Variants in CSMD1 observed in about 807,000 individuals in gnomAD.
The protein encoded by CSMD1 is CUB and sushi domain-containing protein 1.
A neutral mutation model predicts 417.5 loss-of-function variants in CSMD1; 213 were observed. The ratio of observed to expected loss-of-function variants is 0.51; its 90% CI spans 0.46 to 0.57. The LOEUF is 0.57. Among genes scored for constraint, CSMD1 ranks in the 20% least tolerant of loss-of-function variants. CSMD1 has a pLI of 0.00. For synonymous variants in CSMD1, 2,862 were observed against 1,736.8 expected (o/e 1.65, Z -16.11); for missense variants, 6,923 against 4,529.7 (o/e 1.53, Z -15.17).
At chr8:4,364,474 A>G (rs978251706) in intron 3 of CSMD1, among the ~76,000 whole-genome samples, 9 of 152,302 alleles carry the variant, frequency 5.9e-5, no homozygotes, top group African/African-American at 2.2e-4. Context: ...TTAGTAATAC[A>G]ATTTCCTCTC....
intron 26 of CSMD1, among the ~76,000 whole-genome samples, chr8:3,245,286 C>T (rs909824575): frequency 6.6e-6 from 1 of 152,182 alleles, no homozygotes; most frequent in Non-Finnish European, 1.5e-5. Flanking sequence ...TGAGAAGCAC[C>T]TCCAGTTCCT....
intron 1 of CSMD1, among the ~76,000 whole-genome samples, chr8:4,689,961 T>C (rs539010116): frequency 1.1e-4 from 17 of 152,272 alleles, no homozygotes; most frequent in African/African-American, 3.4e-4. Flanking sequence ...AAGTGGGCTG[T>C]ATTACTGCCG....
At chr8:4,119,804 G>C (rs1052264015) in intron 3 of CSMD1, among the ~76,000 whole-genome samples, 1 of 152,166 alleles carries the variant, frequency 6.6e-6, no homozygotes, top group African/African-American at 2.4e-5. Context: ...AACGTTCTAC[G>C]ATGCAATTTA....
At chr8:4,501,768 G>A (rs1305821773) in intron 2 of CSMD1, among the ~76,000 whole-genome samples, 1 of 152,086 alleles carries the variant, frequency 6.6e-6, no homozygotes, top group Non-Finnish European at 1.5e-5. Flanking sequence ...CAGCATTTGT[G>A]TTCAAGTTGT....
chr8:4,433,808 A>G (rs1798001382), intron 2 of CSMD1, among the ~76,000 whole-genome samples: 1 of 151,750 alleles, frequency 6.6e-6, no homozygotes, highest in Non-Finnish European at 1.5e-5. Context: ...TGTCCTTTGC[A>G]AGATACTTTT....
At chr8:3,728,702 C>T (rs1217969166) in intron 6 of CSMD1, among the ~76,000 whole-genome samples, 1 of 151,898 alleles carries the variant, frequency 6.6e-6, no homozygotes. Context: ...TGTAATCTTG[C>T]AAATGATGCA....
intron 3 of CSMD1, among the ~76,000 whole-genome samples, chr8:4,414,144 C>G (rs1033244893): frequency 7.2e-5 from 11 of 152,136 alleles, no homozygotes; most frequent in African/African-American, 1.7e-4. Flanking sequence ...TGCTGACATT[C>G]TAAATAAAGC....
At chr8:4,310,159 A>C (rs1798481384) in intron 3 of CSMD1, among the ~76,000 whole-genome samples, 1 of 152,170 alleles carries the variant, frequency 6.6e-6, no homozygotes, top group African/African-American at 2.4e-5. Flanking sequence ...TCTAACACCC[A>C]GGTATTGCAT....
chr8:3,299,456 A>T (rs1006592087), intron 25 of CSMD1, among the ~76,000 whole-genome samples: 5 of 152,200 alleles, frequency 3.3e-5, no homozygotes, highest in African/African-American at 1.2e-4. Flanking sequence ...TTGTCTCAAA[A>T]AAAAAGGAAT....
At chr8:3,048,220 A>T (rs1210184384) in intron 50 of CSMD1, among the ~76,000 whole-genome samples, 1 of 152,212 alleles carries the variant, frequency 6.6e-6, no homozygotes, top group Non-Finnish European at 1.5e-5. Context: ...TTCGCGACCA[A>T]CAAGACCGAT....
chr8:3,549,956 G>T (rs1354147473), intron 10 of CSMD1, among the ~76,000 whole-genome samples: 1 of 152,118 alleles, frequency 6.6e-6, no homozygotes, highest in East Asian at 1.9e-4. Context: ...AAATAATTAG[G>T]TATCTTGGAT....
chr8:4,772,505 G>A (rs2117152031), intron 1 of CSMD1, among the ~76,000 whole-genome samples: 1 of 152,240 alleles, frequency 6.6e-6, no homozygotes, highest in African/African-American at 2.4e-5. Context: ...ACATTCACAG[G>A]ATCTGGTATT....
chr8:3,598,687 G>A (rs952407530), intron 8 of CSMD1, among the ~76,000 whole-genome samples: 3 of 152,184 alleles, frequency 2.0e-5, no homozygotes, highest in Admixed American at 1.3e-4. Flanking sequence ...TAGCTGAAGG[G>A]TTGCCTTGGA....
intron 3 of CSMD1, among the ~76,000 whole-genome samples, chr8:4,114,623 T>C (rs146704431): frequency 4.2e-4 from 64 of 152,322 alleles, no homozygotes; most frequent in African/African-American, 1.1e-3. Context: ...CAAAATAAAT[T>C]GAAAAACCTT....
chr8:4,670,084 C>G (rs1805200211), intron 1 of CSMD1, among the ~76,000 whole-genome samples: 1 of 152,140 alleles, frequency 6.6e-6, no homozygotes, highest in Non-Finnish European at 1.5e-5. Context: ...TTGGTGCCCC[C>G]ACGTCCACAA....
intron 1 of CSMD1, among the ~76,000 whole-genome samples, chr8:4,749,430 G>C (rs1483292671): frequency 1.3e-5 from 2 of 152,184 alleles, no homozygotes; most frequent in Non-Finnish European, 2.9e-5. Flanking sequence ...TAGAGGTATT[G>C]CCGTTTGGCC....
chr8:4,617,706 T>C (rs1801551673), intron 2 of CSMD1, among the ~76,000 whole-genome samples: 1 of 152,192 alleles, frequency 6.6e-6, no homozygotes, highest in Non-Finnish European at 1.5e-5. Context: ...CTGTTCTTCA[T>C]CACTCCACTT....
At chr8:3,705,199 C>T (rs1178341268) in intron 7 of CSMD1, among the ~76,000 whole-genome samples, 1 of 152,190 alleles carries the variant, frequency 6.6e-6, no homozygotes, top group Non-Finnish European at 1.5e-5. Flanking sequence ...TGGCTGCTTT[C>T]TGCACTGAAG....
At chr8:3,108,498 C>A in intron 44 of CSMD1, 105 bp downstream of exon 44, 1 of 1,217,624 alleles carries the variant, frequency 8.2e-7, no homozygotes, top group Non-Finnish European at 1.1e-6. Context: ...TACACGCCCT[C>A]GGCTGAATCA....
Sources: allele counts gnomAD v4.1 joint callset (sites outside exome capture counted in the v4.1 genomes callset), GRCh38; gene constraint gnomAD v4.1.1; transcripts MANE v1.5; gene names NCBI Gene and HGNC (gene_info 2026-07-23, HGNC 2026-07-21).